The following OPRM1 variants were observed in gnomAD, a reference collection of about 807,000 sequenced individuals.
OPRM1 encodes the protein mu-type opioid receptor.
OPRM1 carries 27 observed loss-of-function variants against 31.8 expected under a neutral mutation model. The ratio of observed to expected loss-of-function variants is 0.85; its 90% confidence interval spans 0.63 to 1.17. The LOEUF (loss-of-function observed/expected upper bound fraction) is 1.17, where lower values mean the gene tolerates loss of function less well. OPRM1 is among the 50% of genes most tolerant of loss of function. OPRM1 has a pLI of 0.00. For missense variants in OPRM1, 536 were observed against 511.1 expected (o/e 1.05, Z -0.47); for synonymous variants, 196 against 189.9 (o/e 1.03, Z -0.26).
intron 3 of OPRM1, among the ~76,000 whole-genome samples, chr6:154,100,683 G>A (rs1425221578): frequency 1.3e-5 from 2 of 151,510 alleles, no homozygotes; most frequent in African/African-American, 4.8e-5. Context: ...GAAGGAAAAA[G>A]AGCTAATGTA....
At chr6:154,241,773 A>G (rs1056040915) in intron 3 of OPRM1, among the ~76,000 whole-genome samples, 2 of 152,084 alleles carry the variant, frequency 1.3e-5, no homozygotes, top group African/African-American at 2.4e-5. Context: ...TATTTTTCGC[A>G]TGCCAATTTC....
At chr6:154,246,427 C>CCTA (rs1206230312) in intron 3 of OPRM1, among the ~76,000 whole-genome samples, 2 of 152,162 alleles carry the variant, frequency 1.3e-5, no homozygotes, top group African/African-American at 4.8e-5. Context: ...AGAAGCATAA[C>CCTA]CTACATATCT....
intron 3 of OPRM1, among the ~76,000 whole-genome samples, chr6:154,106,116 A>C (rs1354302858): frequency 6.6e-6 from 1 of 151,952 alleles, no homozygotes; most frequent in Non-Finnish European, 1.5e-5. Context: ...AGCTTGTTTA[A>C]ATCTTTAGAT....
intron 1 of OPRM1, among the ~76,000 whole-genome samples, chr6:154,069,326 C>T (rs1007481465): frequency 6.6e-6 from 1 of 152,146 alleles, no homozygotes; most frequent in Non-Finnish European, 1.5e-5. Context: ...GCAACCTCCA[C>T]CTCCCAGGTT....
chr6:154,215,875 T>A (rs192028965), intron 3 of OPRM1, among the ~76,000 whole-genome samples: 87 of 151,988 alleles, frequency 5.7e-4, no homozygotes, highest in Non-Finnish European at 1.1e-3. Context: ...GCGAAAAAAA[T>A]TTCTCAGCCT....
chr6:154,084,966 A>T (rs1282689748), intron 1 of OPRM1, among the ~76,000 whole-genome samples: 1 of 151,622 alleles, frequency 6.6e-6, no homozygotes, highest in African/African-American at 2.4e-5. Context: ...TGGATTCTAA[A>T]ATGTGTCCTT....
intron 3 of OPRM1, among the ~76,000 whole-genome samples, chr6:154,146,784 G>A (rs1417955247): frequency 2.6e-5 from 4 of 152,272 alleles, no homozygotes; most frequent in East Asian, 3.9e-4. Context: ...GCCATGCCGA[G>A]GGGTGGGTAA....
intron 3 of OPRM1, among the ~76,000 whole-genome samples, chr6:154,193,941 C>T (rs1261708253): frequency 6.9e-6 from 1 of 145,320 alleles, no homozygotes; most frequent in Non-Finnish European, 1.5e-5. Context: ...AAGGGATGTC[C>T]AACATAACAG....
chr6:154,190,501 G>A lies in OPRM1; in HGVS notation c.1165-56192G>A, dbSNP rs537959945. ...TAGCATGGCGAAAATCCAAAACACA[G>A]AAAACACCAAACGTTGGCAAGGATG... On this transcript the variant is annotated intron_variant, in intron 3 of 3. Transcript: ENST00000337049. Among the ~76,000 whole-genome samples, 874 of 152,226 alleles carry A rather than the reference G, an allele frequency of 5.7e-3. 10 individuals are homozygous for A. The highest frequency in any genetic ancestry group is 0.02 in the African/African-American group (849 of 41,538).
intron 3 of OPRM1, among the ~76,000 whole-genome samples, chr6:154,099,424 AAG>A (rs1176504794): frequency 7.1e-6 from 1 of 141,174 alleles, no homozygotes; most frequent in Non-Finnish European, 1.5e-5. Flanking sequence ...GAGAAAGAGA[AAG>A]AAAGAGGGAG....
At chr6:154,100,194 A>ATATTATGACATATCG (rs1794563707) in intron 3 of OPRM1, among the ~76,000 whole-genome samples, 1 of 128,808 alleles carries the variant, frequency 7.8e-6, no homozygotes, top group Non-Finnish European at 1.6e-5. Flanking sequence ...ATGACATATC[A>ATATTATGACATATCG]TAATATATAT....
At chr6:154,083,570 G>A (rs1035079591) in intron 1 of OPRM1, 1 of 152,328 alleles carries the variant, frequency 6.6e-6, no homozygotes, top group Non-Finnish European at 1.5e-5. Flanking sequence ...GGGACCCGAA[G>A]GAAGAAGAAA....
chr6:154,039,879 A>AG (rs1779690917), intron 1 of OPRM1, 45 bp downstream of exon 1: 1 of 1,515,344 alleles, frequency 6.6e-7, no homozygotes, highest in African/African-American at 1.4e-5. Flanking sequence ...CAGCGGCTTA[A>AG]GGGGGTACAA....
chr6:154,188,470 G>A (rs1801578407), intron 3 of OPRM1, among the ~76,000 whole-genome samples: 1 of 152,206 alleles, frequency 6.6e-6, no homozygotes, highest in Non-Finnish European at 1.5e-5. Flanking sequence ...TCATGCCAAA[G>A]TCCCACAGAC....
At chr6:154,228,551 G>A (rs1779456364) in intron 3 of OPRM1, among the ~76,000 whole-genome samples, 1 of 152,078 alleles carries the variant, frequency 6.6e-6, no homozygotes, top group East Asian at 1.9e-4. Context: ...AGTTTTCCCA[G>A]CATCTCTGAT....
Position 154,119,131 on chromosome 6 carries a change from C to G in OPRM1, c.*410C>G. The G allele has an allele frequency of 3.0e-6, 3 of 992,534 alleles. No individual in the cohort carries two copies. Among genetic ancestry groups the G allele is most frequent in the Non-Finnish European group, 3.6e-6 (3 of 834,414 alleles). 61.5% of individuals were successfully genotyped at this position (992,534 alleles called of 1,614,324 possible). On this transcript the variant is annotated 3_prime_UTR_variant, in exon 4 of 4. Transcript: ENST00000330432. ...ACATAAAGTAAATGCTACCTCTGATCAAAGCACCTTGAATGGAAGGTCCGA... is the reference window on the plus strand; with the variant it reads ...ACATAAAGTAAATGCTACCTCTGATGAAAGCACCTTGAATGGAAGGTCCGA...
intron 3 of OPRM1, among the ~76,000 whole-genome samples, chr6:154,098,454 T>C (rs1793789596): frequency 2.6e-5 from 4 of 152,228 alleles, no homozygotes; most frequent in African/African-American, 9.6e-5. Context: ...TTTTGGAACA[T>C]GTCAATCTTT....
intron 3 of OPRM1, among the ~76,000 whole-genome samples, chr6:154,218,499 C>G (rs892142922): frequency 6.6e-6 from 1 of 152,120 alleles, no homozygotes; most frequent in Non-Finnish European, 1.5e-5. Flanking sequence ...AACAAGGACT[C>G]ATCACTGCAA....
At position 154,118,957 on chromosome 6, in the gene OPRM1, A is replaced by G; in HGVS notation, c.*236A>G. On this transcript the variant is annotated 3_prime_UTR_variant, in exon 4 of 4. Transcript: ENST00000330432. The stretch of plus-strand genomic sequence containing the variant: ...CACACCGAGGAGTCCAGTTTGTGCA[A>G]GACACCCAGTGGAACCAAAACCCAT... 1.6e-6 allele frequency: 2 copies of G among 1,268,150 alleles called. No homozygotes were observed. The highest frequency in any genetic ancestry group is 5.7e-5 in the South Asian group (2 of 35,204). 78.6% of individuals were successfully genotyped at this position (1,268,150 alleles called of 1,614,324 possible). A position where few individuals can be genotyped will look rare whatever the true frequency, so the allele number is the denominator to read the frequency against.
Sources: allele counts gnomAD v4.1 joint callset (sites outside exome capture counted in the v4.1 genomes callset), GRCh38; gene constraint gnomAD v4.1.1; transcripts MANE v1.5; gene names NCBI Gene and HGNC (gene_info 2026-07-23, HGNC 2026-07-21).